IL18BP: variants seen among roughly 807,000 people sequenced by gnomAD.
IL18BP encodes the protein interleukin 18 binding protein, also known as interleukin-18-binding protein.
Under a neutral mutation model 19.9 loss-of-function variants are expected in IL18BP, and 23 were observed. The ratio of observed to expected loss-of-function variants is 1.15; its 90% confidence interval spans 0.83 to 1.64. The LOEUF is 1.64. Among genes scored for constraint, IL18BP ranks in the 40% most tolerant of loss-of-function variants. The probability of loss-of-function intolerance (pLI) is 0.00; values close to 1 mark genes in which losing one functional copy is unlikely to be tolerated. For missense variants in IL18BP, 239 were observed against 240.7 expected (o/e 0.99, Z 0.05); for synonymous variants, 107 against 101.0 (o/e 1.06, Z -0.35).
downstream of IL18BP, chr11:72,007,045 C>T: frequency 1.0e-6 from 1 of 954,120 alleles, no homozygotes; most frequent in South Asian, 1.7e-5. Context: ...AAGTCACTGC[C>T]CTTTTTAAGA....
rs1055445838 is a variant in IL18BP, at chr11:72,002,256, T to A, written c.*395T>A. On this transcript the variant is annotated 3_prime_UTR_variant, in exon 6 of 6. Coordinates refer to ENST00000393703, the MANE Select transcript of IL18BP (RefSeq NM_001039660.2). ...CTTGCTTTTCCCAGACAGCTCCCAC[T>A]CCCATGTCTCTGCTCATTTAGTCCC... is the stretch of plus-strand genomic sequence containing the variant. 5.2e-5 allele frequency: 12 copies of A among 231,802 alleles called. No homozygotes were observed. Among genetic ancestry groups the A allele is most frequent in the Non-Finnish European group, 1.0e-4 (12 of 118,336 alleles). 14.4% of individuals were successfully genotyped at this position (231,802 alleles called of 1,614,324 possible).
chr11:72,006,062 C>T, downstream of IL18BP: 2 of 1,613,428 alleles, frequency 1.2e-6, no homozygotes, highest in Non-Finnish European at 1.7e-6. Flanking sequence ...GACACCCCGG[C>T]CTGGGAACGA....
downstream of IL18BP, chr11:72,004,387 C>T: frequency 2.0e-6 from 3 of 1,536,758 alleles, no homozygotes. Flanking sequence ...AGAGGAGTCA[C>T]ATCTGAAGCC....
downstream of IL18BP, chr11:72,003,482 T>G (rs949323): frequency 0.96 from 1,529,559 of 1,600,944 alleles, 732,401 homozygotes; most frequent in Non-Finnish European, 0.98. Context: ...CCAGGTGAGG[T>G]CAGCATCGGG....
downstream of IL18BP, chr11:72,005,515 A>C: frequency 2.9e-6 from 2 of 695,190 alleles, no homozygotes; most frequent in Non-Finnish European, 4.8e-6. Context: ...CAGGTGCAGG[A>C]GTACGGCACA....
chr11:72,003,814 A>C, downstream of IL18BP: 4 of 1,488,598 alleles, frequency 2.7e-6, no homozygotes, highest in Non-Finnish European at 3.7e-6. Flanking sequence ...CTTGGATGCT[A>C]CTTGGTGGGG....
At chr11:72,006,574 C>T (rs1955728651), downstream of IL18BP, among the ~76,000 whole-genome samples, 1 of 152,154 alleles carries the variant, frequency 6.6e-6, no homozygotes, top group African/African-American at 2.4e-5. Flanking sequence ...AAGTGACTAG[C>T]CCCAAATCAC....
chr11:72,006,319 T>C (rs1955694862), downstream of IL18BP: 1 of 1,476,704 alleles, frequency 6.8e-7, no homozygotes, highest in Admixed American at 1.8e-5. Flanking sequence ...GTACAGAAGC[T>C]TCCCATTCCC....
In IL18BP at chr11:72,001,634, A is replaced by T. The variant is rs5743674; in HGVS notation, c.507+82A>T. 886 of 1,591,970 alleles carry T rather than the reference A, an allele frequency of 5.6e-4. No individual in the cohort carries two copies. Among genetic ancestry groups the T allele is most frequent in the Non-Finnish European group, 7.1e-4 (826 of 1,169,166 alleles). On this transcript the variant is annotated intron_variant, in intron 5 of 5. Transcript: ENST00000393703. ...GGGAGGAAAGGGTGGGCTCTGCCAG[A>T]GCAGCCTGTGAACTAATGCCCAGCA...
In IL18BP at chr11:71,999,982, A is replaced by G; in HGVS notation, c.-3A>G. On this transcript the variant is annotated 5_prime_UTR_variant, in exon 2 of 6. Transcript: ENST00000393703. The stretch of plus-strand genomic sequence containing the variant: ...AGGCTCACCAGCTCCTGACGCATGC[A>G]TCATGACCATGAGACACAACTGGAC... 1.2e-6 allele frequency: 2 copies of G among 1,613,896 alleles called. No homozygotes were observed. Among genetic ancestry groups the G allele is most frequent in the Non-Finnish European group, 1.7e-6 (2 of 1,179,814 alleles).
At chr11:72,001,148 G>A in intron 3 of IL18BP, 53 bp from the exon 4 acceptor site, 1 of 1,610,058 alleles carries the variant, frequency 6.2e-7, no homozygotes, top group Non-Finnish European at 8.5e-7. Context: ...AGCAGAGCAG[G>A]GTAGGGGAAG....
downstream of IL18BP, chr11:72,007,460 TAC>T (rs1565191783): frequency 6.2e-7 from 1 of 1,611,462 alleles, no homozygotes; most frequent in Non-Finnish European, 8.5e-7. Flanking sequence ...CCTGCTGAGG[TAC>T]AGTCCTTCAC....
chr11:72,004,055 G>T (rs766773411), downstream of IL18BP: 5 of 1,613,622 alleles, frequency 3.1e-6, no homozygotes, highest in Non-Finnish European at 2.5e-6. Context: ...CTAGCTTCTT[G>T]GGTGTGTTGA....
chr11:72,005,528 G>A, downstream of IL18BP: 1 of 643,116 alleles, frequency 1.6e-6, no homozygotes, highest in Non-Finnish European at 2.6e-6. Context: ...ACGGCACACA[G>A]ACTATTTCTA....
downstream of IL18BP, chr11:72,007,838 G>A: frequency 2.9e-6 from 1 of 349,512 alleles, no homozygotes; most frequent in Non-Finnish European, 5.5e-6. Context: ...TGCTTGGCGA[G>A]CCCAATCACC....
At chr11:72,003,854 G>T, downstream of IL18BP, 2 of 1,607,534 alleles carry the variant, frequency 1.2e-6, no homozygotes, top group South Asian at 2.2e-5. Flanking sequence ...GCTCTCATCG[G>T]GTTTCCCTCC....
At chr11:72,000,108 A>C in intron 2 of IL18BP, 96 bp downstream of exon 2, 1 of 1,355,112 alleles carries the variant, frequency 7.4e-7, no homozygotes, top group Non-Finnish European at 1.0e-6. Context: ...CTCCAAGGCA[A>C]ACCACCCAGC....
rs768612395 is a variant in IL18BP, at chr11:72,000,431, A to G, written c.109A>G (p.Thr37Ala). 2.5e-6 allele frequency: 4 copies of G among 1,614,026 alleles called. No homozygotes were observed. The highest frequency in any genetic ancestry group is 4.5e-5 in the East Asian group (2 of 44,876). Residue 37 changes from threonine to alanine, a missense_variant, in exon 3 of 6, where the codon ACC (threonine) becomes GCC (alanine). Physicochemically the swap from Thr to Ala is moderately conservative, Grantham distance 58. Transcript: ENST00000393703. ...LVRATPVSQT[T>A]TAATASVRST... Reference sequence around the variant, plus strand: ...CAGAGCCACACCTGTCTCGCAGACCACCACAGCTGCCACTGCCTCAGTTAG... The same window carrying G: ...CAGAGCCACACCTGTCTCGCAGACCGCCACAGCTGCCACTGCCTCAGTTAG...
chr11:72,000,917 A>G (rs1955182012), intron 3 of IL18BP, among the ~76,000 whole-genome samples: 1 of 152,174 alleles, frequency 6.6e-6, no homozygotes, highest in African/African-American at 2.4e-5. Context: ...CTCCCAAGTC[A>G]CCGAGGCTGG....
Sources: gnomAD v4.1 joint callset for allele counts (sites outside exome capture counted in the v4.1 genomes callset) on GRCh38, gnomAD v4.1.1 for gene constraint, MANE v1.5 for transcripts, NCBI Gene and HGNC (gene_info 2026-07-23, HGNC 2026-07-21) for gene names.